Variants in ABI3 observed in about 807,000 individuals in gnomAD.
ABI3 encodes ABI gene family member 3.
A neutral mutation model predicts 37.0 loss-of-function variants in ABI3; 24 were observed. The observed-to-expected ratio is 0.65, with a 90% CI of 0.47 to 0.91. The LOEUF (loss-of-function observed/expected upper bound fraction) is 0.91. Ranked by LOEUF, ABI3 falls within the 40% of genes least tolerant of loss-of-function variation. The probability of loss-of-function intolerance (pLI) is 0.00; values close to 1 mark genes in which losing one functional copy is unlikely to be tolerated. For synonymous variants in ABI3, 220 were observed against 211.8 expected, an observed-to-expected ratio of 1.04 and a Z score of -0.34; for missense variants, 481 against 485.1, an observed-to-expected ratio of 0.99 and a Z score of 0.08.
chr17:49,222,720 C>G lies in ABI3; in HGVS notation c.*5C>G. ...TATGTGGAGCCCAGCTGCTGACAGC[C>G]CAGGGCTCTCTGGGCAGCTGATGTC... On this transcript the variant is annotated 3_prime_UTR_variant, in exon 8 of 8. Transcript: ENST00000225941. 6.4e-7 allele frequency: 1 copy of G among 1,556,526 alleles called. No individual in the cohort carries two copies. The highest frequency in any genetic ancestry group is 8.7e-7 in the Non-Finnish European group (1 of 1,151,114).
intron 2 of ABI3, 93 bp from the exon 3 acceptor site, chr17:49,217,646 C>T (rs117745330): frequency 1.8e-5 from 22 of 1,220,734 alleles, no homozygotes; most frequent in African/African-American, 8.0e-5. Flanking sequence ...GCTGCCTCCC[C>T]CCCCCAGCCC....
chr17:49,216,418 G>A, intron 1 of ABI3, 113 bp from the exon 2 acceptor site: 1 of 1,043,572 alleles, frequency 9.6e-7, no homozygotes, highest in Non-Finnish European at 1.3e-6. Context: ...AAGGGTTGCT[G>A]CTCTCTCCCA....
Position 49,222,770 on chromosome 17 carries a change from C to G in ABI3, c.*55C>G, listed in dbSNP as rs2043307441. 6.6e-7 allele frequency: 1 copy of G among 1,513,268 alleles called. No individual in the cohort carries two copies. Among genetic ancestry groups the G allele is most frequent in the Non-Finnish European group, 8.9e-7 (1 of 1,127,976 alleles). The allele number at this position is 1,513,268 out of a possible 1,614,324, so 93.7% of individuals were successfully genotyped here. ...CTGCACTGAGTGGGTTTCATGAGCC[C>G]CAAGCCAAAACCAGCTCCAGTCACA... On this transcript the variant is annotated 3_prime_UTR_variant, in exon 8 of 8. Transcript: ENST00000225941.
chr17:49,218,261 C>G (rs1336760874), intron 3 of ABI3, among the ~76,000 whole-genome samples: 1 of 152,220 alleles, frequency 6.6e-6, no homozygotes, highest in Non-Finnish European at 1.5e-5. Flanking sequence ...CACATGAGAA[C>G]AGCAACTTCC....
chr17:49,211,851 T>G (rs1289621353), intron 1 of ABI3, among the ~76,000 whole-genome samples: 1 of 152,124 alleles, frequency 6.6e-6, no homozygotes, highest in Non-Finnish European at 1.5e-5. Flanking sequence ...GCCATGTTGG[T>G]AAGGCTGGTC....
chr17:49,217,639 G>A lies in ABI3; in HGVS notation c.286-100G>A, dbSNP rs1194052788. 38 of 1,135,444 alleles carry A rather than the reference G, an allele frequency of 3.3e-5. No individual in the cohort carries two copies. In the Admixed American group the frequency reaches 1.1e-3, roughly 32 times the overall value. 70.3% of individuals were successfully genotyped at this position (1,135,444 alleles called of 1,614,324 possible). The stretch of plus-strand genomic sequence containing the variant: ...GGGCCCTCTTTTTCTAGACCTGGCT[G>A]CCTCCCCCCCCCAGCCCAGTCTTTA... On this transcript the variant is annotated intron_variant, in intron 2 of 7. Transcript: ENST00000225941.
In ABI3 at chr17:49,223,195, C is replaced by G; in HGVS notation, c.*480C>G. 1 of 391,356 alleles carries G rather than the reference C, an allele frequency of 2.6e-6. No individual in the cohort carries two copies. 24.2% of individuals were successfully genotyped at this position (391,356 alleles called of 1,614,324 possible). A position where few individuals can be genotyped will look rare whatever the true frequency, so the allele number is the denominator to read the frequency against. On this transcript the variant is annotated 3_prime_UTR_variant, in exon 8 of 8. Transcript: ENST00000225941. ...TGGACCCCAGACACCCCTCTGCAGC[C>G]ATTGACTGCAACTTGTTCTTTTGCC... is the stretch of plus-strand genomic sequence containing the variant.
intron 6 of ABI3, among the ~76,000 whole-genome samples, chr17:49,220,706 TGGTGGCGC>T (rs895589225): frequency 1.3e-5 from 2 of 151,488 alleles, no homozygotes; most frequent in Non-Finnish European, 2.9e-5. Context: ...TGACCGGGCG[TGGTGGCGC>T]AAGCCTGTAA....
In ABI3 at chr17:49,219,339, T is replaced by G. The variant is rs2043254288; in HGVS notation, c.463-201T>G. Among the ~76,000 whole-genome samples, 1 of 151,710 alleles carries G rather than the reference T, an allele frequency of 6.6e-6. No individual in the cohort carries two copies. The highest frequency in any genetic ancestry group is 1.5e-5 in the Non-Finnish European group (1 of 67,942). On this transcript the variant is annotated intron_variant, in intron 3 of 7. Transcript: ENST00000225941. This position sits in a 1 kb window ranked among gnomAD's most constrained non-coding sequence, Gnocchi z 4.3. ...AAGTGGCTGTGGGCTTTGGTAGAAC[T>G]GAGTCCCAGAACCCAGGCAATGACA...
At position 49,222,109 on chromosome 17, in the gene ABI3, C is replaced by T. The variant is rs746882582; in HGVS notation, c.821C>T (p.Pro274Leu). The change falls in exon 7 of 8, where the codon CCA becomes CTA. Residue 274 changes from proline to leucine, a missense_variant. By Grantham distance (98) the Pro-to-Leu change is moderately conservative. Transcript: ENST00000225941. Reference sequence around the variant, plus strand: ...CCCCAAGACGAAGAGCTGCCCCTGCCACTGGACCTGCCTCCTCCTCCACCC... The same window carrying T: ...CCCCAAGACGAAGAGCTGCCCCTGCTACTGGACCTGCCTCCTCCTCCACCC... Reference protein sequence around the residue: ...PPPPDEELPLPLDLPPPPPLD... With the variant: ...PPPPDEELPLLLDLPPPPPLD... 5 of 1,610,234 alleles carry T rather than the reference C, an allele frequency of 3.1e-6. No individual in the cohort carries two copies. In the South Asian group the frequency reaches 4.4e-5, roughly 14 times the overall value.
intron 2 of ABI3, among the ~76,000 whole-genome samples, chr17:49,216,933 A>T (rs933501225): frequency 6.6e-6 from 1 of 152,178 alleles, no homozygotes; most frequent in Non-Finnish European, 1.5e-5. Flanking sequence ...CCTGGACATG[A>T]GAAAGTGTTA....
chr17:49,220,017 T>C, intron 5 of ABI3, 64 bp downstream of exon 5: 1 of 1,526,152 alleles, frequency 6.6e-7, no homozygotes, highest in African/African-American at 1.4e-5. Context: ...AGGGGCCACC[T>C]GCCAGTGGTC....
intron 1 of ABI3, among the ~76,000 whole-genome samples, chr17:49,211,288 G>A (rs1373436401): frequency 6.6e-6 from 1 of 152,194 alleles, no homozygotes; most frequent in Non-Finnish European, 1.5e-5. Flanking sequence ...CTCTTTCCCT[G>A]AGTTTGGGAA....
chr17:49,222,526 C>A, intron 7 of ABI3, 26 bp from the exon 8 acceptor site: 1 of 1,610,398 alleles, frequency 6.2e-7, no homozygotes, highest in Non-Finnish European at 8.5e-7. Flanking sequence ...CATTATCTCA[C>A]GGCACCCTCT....
intron 6 of ABI3, 137 bp from the exon 7 acceptor site, chr17:49,221,954 G>T (rs1296277712): frequency 1.6e-6 from 2 of 1,217,146 alleles, no homozygotes; most frequent in Admixed American, 2.8e-5. Context: ...CCTGGCCTCA[G>T]GTGATCTGCC....
chr17:49,214,074 GC>G (rs1320052857), intron 1 of ABI3, among the ~76,000 whole-genome samples: 3 of 152,240 alleles, frequency 2.0e-5, no homozygotes, highest in African/African-American at 7.2e-5. Context: ...GGAGGAGAGA[GC>G]CATCGCATGG....
chr17:49,218,162 C>T (rs972039355), intron 3 of ABI3, among the ~76,000 whole-genome samples: 1 of 152,224 alleles, frequency 6.6e-6, no homozygotes, highest in African/African-American at 2.4e-5. Context: ...CCCTCGCCCC[C>T]CCGCCCTGCC....
chr17:49,216,658 C>T lies in ABI3; in HGVS notation c.245C>T (p.Ala82Val), dbSNP rs1346049558. ...TLRMLDLQGA[A>V]LRQVEARVST... Reference sequence around the variant, plus strand: ...CGCATGTTGGACCTGCAGGGGGCCGCCCTGCGGCAGGTGGAAGCCCGTGTA... The same window carrying T: ...CGCATGTTGGACCTGCAGGGGGCCGTCCTGCGGCAGGTGGAAGCCCGTGTA... The change falls in exon 2 of 8, where the codon GCC (alanine) becomes GTC (valine). Residue 82 changes from alanine (A) to valine (V), a missense_variant. Ala to Val is a moderately conservative substitution (Grantham distance 64). Coordinates refer to ENST00000225941, the MANE Select transcript of ABI3 (RefSeq NM_016428.3). 6.2e-7 allele frequency: 1 copy of T among 1,606,458 alleles called. No homozygotes were observed. Among genetic ancestry groups the T allele is most frequent in the East Asian group, 2.3e-5 (1 of 44,240 alleles).
chr17:49,222,849 C>T lies in ABI3; in HGVS notation c.*134C>T. 1 of 1,040,740 alleles carries T rather than the reference C, an allele frequency of 9.6e-7. No individual in the cohort carries two copies. Among genetic ancestry groups the T allele is most frequent in the Non-Finnish European group, 1.4e-6 (1 of 737,720 alleles). 64.5% of individuals were successfully genotyped at this position (1,040,740 alleles called of 1,614,324 possible). On this transcript the variant is annotated 3_prime_UTR_variant, in exon 8 of 8. Transcript: ENST00000225941. ...CTGTGAGCTGTGTTCTGTCCTTCCT[C>T]CCATCGGAGGGAGAAGGGGTCCTGG...
Sources: gnomAD v4.1 joint callset for allele counts (sites outside exome capture counted in the v4.1 genomes callset) on GRCh38, gnomAD v4.1.1 for gene constraint, Gnocchi (gnomAD v3.1) non-coding constraint, MANE v1.5 for transcripts, NCBI Gene and HGNC (gene_info 2026-07-23, HGNC 2026-07-21) for gene names.